Variants in CALCRL observed in about 807,000 individuals in gnomAD.
CALCRL encodes the protein calcitonin receptor like receptor.
In CALCRL, 27 loss-of-function variants were observed where a neutral mutation model predicts 60.4. The observed-to-expected ratio is 0.45, with a 90% CI of 0.33 to 0.62. CALCRL has a LOEUF of 0.62. Among genes scored for constraint, CALCRL ranks in the 20% least tolerant of loss-of-function variants. The probability of loss-of-function intolerance (pLI) is 0.03; values close to 1 mark genes in which losing one functional copy is unlikely to be tolerated. For missense variants in CALCRL, 424 were observed against 540.7 expected (o/e 0.78, Z 2.14); for synonymous variants, 190 against 182.6 (o/e 1.04, Z -0.33).
intron 8 of CALCRL, among the ~76,000 whole-genome samples, chr2:187,367,592 G>A (rs2105746666): frequency 6.6e-6 from 1 of 152,028 alleles, no homozygotes; most frequent in African/African-American, 2.4e-5. Context: ...TTCAAATGAA[G>A]CCCTAAAATA....
chr2:187,410,106 G>T (rs1347330823), intron 1 of CALCRL, among the ~76,000 whole-genome samples: 1 of 152,188 alleles, frequency 6.6e-6, no homozygotes, highest in African/African-American at 2.4e-5. Flanking sequence ...GGGTTAAGAA[G>T]TGAGGGTGAA....
chr2:187,396,401 T>C (rs949821830), intron 1 of CALCRL, among the ~76,000 whole-genome samples: 14 of 151,726 alleles, frequency 9.2e-5, no homozygotes, highest in African/African-American at 3.1e-4. Context: ...TACCCTAAGC[T>C]AAACTTATTA....
At chr2:187,387,800 C>A (rs941985269) in intron 1 of CALCRL, 44 bp from the exon 2 acceptor site, 74 of 391,008 alleles carry the variant, frequency 1.9e-4, no homozygotes, top group Admixed American at 2.7e-4. Context: ...ATGCTAATGA[C>A]CAAAATTATT....
intron 1 of CALCRL, among the ~76,000 whole-genome samples, chr2:187,411,085 A>T (rs998965705): frequency 1.3e-5 from 2 of 152,108 alleles, no homozygotes; most frequent in African/African-American, 4.8e-5. Context: ...ATAGTTGGAA[A>T]CCTTGCTAAA....
intron 1 of CALCRL, among the ~76,000 whole-genome samples, chr2:187,403,252 G>A (rs1268385112): frequency 6.6e-6 from 1 of 151,900 alleles, no homozygotes; most frequent in Admixed American, 6.6e-5. Flanking sequence ...TGCAAGTAAA[G>A]TAAATGGATT....
chr2:187,421,849 G>A (rs74406968), intron 1 of CALCRL, among the ~76,000 whole-genome samples: 3,473 of 152,162 alleles, frequency 0.023, 151 homozygotes, highest in African/African-American at 0.079. Context: ...TCTCATCGTC[G>A]CAAGTTGGAT....
chr2:187,434,996 T>G (rs1390922665), intron 1 of CALCRL, among the ~76,000 whole-genome samples: 3 of 152,226 alleles, frequency 2.0e-5, no homozygotes, highest in African/African-American at 2.4e-5. Context: ...AAAGGTTTAC[T>G]TCTGAGAATG....
At chr2:187,389,622 A>T (rs981635557) in intron 1 of CALCRL, among the ~76,000 whole-genome samples, 1 of 152,102 alleles carries the variant, frequency 6.6e-6, no homozygotes, top group Non-Finnish European at 1.5e-5. Flanking sequence ...TTTTATTTTA[A>T]TATTTGGTCA....
chr2:187,362,169 C>T (rs918196208), intron 9 of CALCRL, among the ~76,000 whole-genome samples: 2 of 151,860 alleles, frequency 1.3e-5, no homozygotes, highest in African/African-American at 4.8e-5. Flanking sequence ...GTAACAGAGA[C>T]AAAACAAAAA....
chr2:187,421,722 A>G (rs1194945863), intron 1 of CALCRL, among the ~76,000 whole-genome samples: 1 of 152,166 alleles, frequency 6.6e-6, no homozygotes, highest in Non-Finnish European at 1.5e-5. Flanking sequence ...ATTCCTGTCA[A>G]GTGTTTTATT....
intron 1 of CALCRL, among the ~76,000 whole-genome samples, chr2:187,403,024 T>C (rs1688959000): frequency 6.6e-6 from 1 of 151,566 alleles, no homozygotes; most frequent in Non-Finnish European, 1.5e-5. Context: ...CATGTGAAGA[T>C]ACAACCCGGA....
At chr2:187,406,750 A>T (rs1371580317) in intron 1 of CALCRL, among the ~76,000 whole-genome samples, 1 of 152,088 alleles carries the variant, frequency 6.6e-6, no homozygotes, top group East Asian at 1.9e-4. Context: ...ACAGAGAAAG[A>T]AAAAGAAGAC....
At chr2:187,378,339 T>C (rs1687852686) in intron 8 of CALCRL, among the ~76,000 whole-genome samples, 1 of 152,146 alleles carries the variant, frequency 6.6e-6, no homozygotes, top group South Asian at 2.1e-4. Context: ...CATGCATGAC[T>C]TAGAATTTAA....
chr2:187,429,211 T>C (rs1471145193), intron 1 of CALCRL, among the ~76,000 whole-genome samples: 1 of 151,918 alleles, frequency 6.6e-6, no homozygotes, highest in Non-Finnish European at 1.5e-5. Flanking sequence ...TACCCATCTG[T>C]CAAGTTTTGG....
intron 12 of CALCRL, among the ~76,000 whole-genome samples, chr2:187,353,084 A>G (rs1386539182): frequency 6.6e-6 from 1 of 151,960 alleles, no homozygotes; most frequent in Non-Finnish European, 1.5e-5. Context: ...TGACTCAGCA[A>G]ACAGGGTCCT....
intron 8 of CALCRL, among the ~76,000 whole-genome samples, chr2:187,370,428 A>C (rs1687470404): frequency 6.6e-6 from 1 of 152,210 alleles, no homozygotes; most frequent in African/African-American, 2.4e-5. Flanking sequence ...TATAATTTTC[A>C]AAATTTATTG....
At chr2:187,415,708 A>G (rs921506487) in intron 1 of CALCRL, 1 of 568,442 alleles carries the variant, frequency 1.8e-6, no homozygotes, top group Non-Finnish European at 3.3e-6. Context: ...CAACAGTGAC[A>G]CCCACTCTTC....
intron 12 of CALCRL, among the ~76,000 whole-genome samples, chr2:187,358,809 C>A (rs1184610638): frequency 3.9e-5 from 6 of 152,142 alleles, no homozygotes; most frequent in Admixed American, 3.3e-4. Flanking sequence ...ACATTTCTCT[C>A]TTCAGGTCTA....
rs78357827 is a variant in CALCRL, at chr2:187,437,489, A to T, written c.-293+10550T>A. ...TCTTAAGTGCCTTTTACATTATTTC[A>T]TCAAGCCTATTCAGATTAGAAATTT... On this transcript the variant is annotated intron_variant, in intron 1 of 14. Transcript: ENST00000392370. 2.6e-5 allele frequency among the ~76,000 whole-genome samples: 4 copies of T among 152,248 alleles called. No individual in the cohort carries two copies. In the South Asian group the frequency reaches 8.3e-4, roughly 32 times the overall value.
Sources: gnomAD v4.1 joint callset for allele counts (sites outside exome capture counted in the v4.1 genomes callset) on GRCh38, gnomAD v4.1.1 for gene constraint, MANE v1.5 for transcripts, NCBI Gene and HGNC (gene_info 2026-07-23, HGNC 2026-07-21) for gene names.